The following FRMD4A variants were observed in gnomAD, a reference collection of about 807,000 sequenced individuals.
FRMD4A encodes FERM domain-containing protein 4A.
A neutral mutation model predicts 129.1 loss-of-function variants in FRMD4A; 29 were observed. That is an observed-to-expected ratio of 0.22 (90% CI 0.17 to 0.31). The LOEUF (loss-of-function observed/expected upper bound fraction) is 0.31, where lower values mean the gene tolerates loss of function less well. Ranked by LOEUF, FRMD4A falls within the 10% of genes least tolerant of loss-of-function variation. The probability of loss-of-function intolerance (pLI) is 1.00; values close to 1 mark genes in which losing one functional copy is unlikely to be tolerated. For synonymous variants in FRMD4A, 634 were observed against 571.6 expected, an observed-to-expected ratio of 1.11 and a Z score of -1.56; for missense variants, 1,272 against 1,375.8, an observed-to-expected ratio of 0.92 and a Z score of 1.19.
At chr10:14,021,577 T>A (rs1832753320) in intron 2 of FRMD4A, among the ~76,000 whole-genome samples, 1 of 151,422 alleles carries the variant, frequency 6.6e-6, no homozygotes, top group Non-Finnish European at 1.5e-5. Context: ...ATAAATACAA[T>A]AAAATAAAAA....
chr10:14,293,902 A>G (rs1444073597), intron 2 of FRMD4A, among the ~76,000 whole-genome samples: 3 of 151,966 alleles, frequency 2.0e-5, no homozygotes, highest in Non-Finnish European at 4.4e-5. Context: ...TTATATATCA[A>G]TGTTAAGGAA....
chr10:13,886,049 C>T (rs749534535), intron 2 of FRMD4A, among the ~76,000 whole-genome samples: 5 of 152,136 alleles, frequency 3.3e-5, no homozygotes, highest in Non-Finnish European at 5.9e-5. Flanking sequence ...TCTGGAGGAC[C>T]CACACTGTCT....
At chr10:13,824,166 G>T (rs1564862640) in intron 3 of FRMD4A, among the ~76,000 whole-genome samples, 1 of 151,764 alleles carries the variant, frequency 6.6e-6, no homozygotes, top group African/African-American at 2.4e-5. Flanking sequence ...ACCAACCATG[G>T]ATCAAAAATA....
At chr10:13,838,962 C>G (rs2093920728) in intron 3 of FRMD4A, among the ~76,000 whole-genome samples, 1 of 141,418 alleles carries the variant, frequency 7.1e-6, no homozygotes, top group Admixed American at 7.1e-5. Context: ...ATTAATATGA[C>G]TTTAGGGCTT....
At chr10:13,688,788 A>G (rs781602747) in intron 15 of FRMD4A, among the ~76,000 whole-genome samples, 21 of 152,122 alleles carry the variant, frequency 1.4e-4, no homozygotes, top group Non-Finnish European at 2.6e-4. Context: ...ATTTCAGCTC[A>G]CTGCAACCTC....
intron 3 of FRMD4A, among the ~76,000 whole-genome samples, chr10:13,848,404 T>A (rs2094085865): frequency 6.6e-6 from 1 of 151,006 alleles, no homozygotes; most frequent in African/African-American, 2.4e-5. Context: ...TTTCAATGAA[T>A]ACATTTTACA....
chr10:14,184,132 T>C (rs577461196), intron 2 of FRMD4A, among the ~76,000 whole-genome samples: 64 of 116,332 alleles, frequency 5.5e-4, no homozygotes, highest in Admixed American at 7.3e-4. Context: ...TTTCTTTTTT[T>C]TTTTTTTTTT....
At chr10:13,881,962 A>C (rs2094550433) in intron 2 of FRMD4A, among the ~76,000 whole-genome samples, 1 of 149,912 alleles carries the variant, frequency 6.7e-6, no homozygotes, top group Non-Finnish European at 1.5e-5. Context: ...AGTCCAGATG[A>C]GGTCAAATGT....
At chr10:13,816,682 T>C (rs1419918833) in intron 3 of FRMD4A, among the ~76,000 whole-genome samples, 1 of 152,264 alleles carries the variant, frequency 6.6e-6, no homozygotes, top group Non-Finnish European at 1.5e-5. Flanking sequence ...GAAAGCAATC[T>C]GCTCTTATGT....
chr10:14,207,657 T>A (rs1020098339), intron 2 of FRMD4A, among the ~76,000 whole-genome samples: 4 of 151,520 alleles, frequency 2.6e-5, no homozygotes, highest in Non-Finnish European at 5.9e-5. Flanking sequence ...GCAGGACAGC[T>A]ATAAATGTCA....
intron 2 of FRMD4A, among the ~76,000 whole-genome samples, chr10:14,037,512 C>G (rs371188804): frequency 3.3e-5 from 5 of 152,334 alleles, no homozygotes; most frequent in East Asian, 3.9e-4. Flanking sequence ...GCCACCTAGC[C>G]CGGAACATTT....
intron 2 of FRMD4A, among the ~76,000 whole-genome samples, chr10:13,968,223 T>G (rs1008009887): frequency 2.0e-5 from 3 of 152,052 alleles, no homozygotes; most frequent in Non-Finnish European, 4.4e-5. Flanking sequence ...TGAGTATGGG[T>G]GTGTTTAAAA....
At chr10:13,685,901 C>T in intron 15 of FRMD4A, among the ~76,000 whole-genome samples, 1 of 152,124 alleles carries the variant, frequency 6.6e-6, no homozygotes, top group Admixed American at 6.5e-5. Context: ...TTAGTAACAC[C>T]TCAGGGGATA....
chr10:13,805,727 C>T (rs2093347072), intron 4 of FRMD4A, among the ~76,000 whole-genome samples: 1 of 152,120 alleles, frequency 6.6e-6, no homozygotes, highest in Non-Finnish European at 1.5e-5. Context: ...CTCACTCTGT[C>T]ACCAGGGCTG....
intron 13 of FRMD4A, among the ~76,000 whole-genome samples, chr10:13,702,362 C>A (rs577622025): frequency 1.3e-5 from 2 of 152,202 alleles, no homozygotes; most frequent in Non-Finnish European, 2.9e-5. Context: ...CCGCACCTGG[C>A]CCTGTCTATA....
In FRMD4A at chr10:14,209,378, T is replaced by G. The variant is rs767815091; in HGVS notation, c.45+120680A>C. Among the ~76,000 whole-genome samples, 13 of 152,234 alleles carry G rather than the reference T, an allele frequency of 8.5e-5. No homozygotes were observed. In the South Asian group the frequency reaches 2.7e-3, roughly 32 times the overall value. ...ATATTTGGAAAAAGAAATCTGTACA[T>G]GTAGTTAAATCCAGCACCTCAAGAT... On this transcript the variant is annotated intron_variant, in intron 2 of 24. Transcript: ENST00000357447.
rs372806861 is a variant in FRMD4A at position 13,660,499 on chromosome 10, A to C, written c.1715T>G (p.Leu572Arg). ...ISPLHSPHKGLPPRPPSHNRP... is the reference protein window; with the variant it reads ...ISPLHSPHKGRPPRPPSHNRP... ...GTTGTGCGACGGTGGCCGAGGAGGG[A>C]GTCCCTTGTGAGGAGAATGTAGGGG... Residue 572 changes from leucine to arginine, a missense_variant, in exon 20 of 25, where the codon CTC becomes CGC. Transcript: ENST00000357447. 157 of 1,613,812 alleles carry C rather than the reference A, an allele frequency of 9.7e-5. No homozygotes were observed. Among genetic ancestry groups the C allele is most frequent in the Non-Finnish European group, 1.3e-4 (154 of 1,179,916 alleles).
chr10:13,656,417 G>A (rs1434556981), intron 22 of FRMD4A, among the ~76,000 whole-genome samples: 3 of 152,316 alleles, frequency 2.0e-5, no homozygotes, highest in East Asian at 1.9e-4. Flanking sequence ...TCAGGTGCAC[G>A]GTTATGGTGC....
intron 2 of FRMD4A, among the ~76,000 whole-genome samples, chr10:14,218,707 G>A (rs995535229): frequency 6.6e-6 from 1 of 152,042 alleles, no homozygotes; most frequent in Non-Finnish European, 1.5e-5. Context: ...TGAGATTTGG[G>A]TGGGGACACA....
Sources: allele counts gnomAD v4.1 joint callset (sites outside exome capture counted in the v4.1 genomes callset), GRCh38; gene constraint gnomAD v4.1.1; transcripts MANE v1.5; gene names NCBI Gene and HGNC (gene_info 2026-07-23, HGNC 2026-07-21).